BRD2: variants seen among roughly 807,000 people sequenced by gnomAD.
BRD2 encodes the protein bromodomain containing 2.
BRD2 carries 15 observed loss-of-function variants against 79.1 expected under a neutral mutation model. That is an observed-to-expected ratio of 0.19 (90% CI 0.13 to 0.29). The LOEUF (loss-of-function observed/expected upper bound fraction) is 0.29, where lower values mean the gene tolerates loss of function less well. Ranked by LOEUF, BRD2 falls within the 10% of genes least tolerant of loss-of-function variation. The probability of loss-of-function intolerance (pLI) is 1.00; values close to 1 mark genes in which losing one functional copy is unlikely to be tolerated. For missense variants in BRD2, 1,053 were observed against 991.3 expected (o/e 1.06, Z -0.84); for synonymous variants, 488 against 358.6 (o/e 1.36, Z -4.08).
rs1293065682 is a variant in BRD2, at chr6:32,976,240, T to A, written c.611-10T>A. Reference sequence around the variant, plus strand: ...AGAGAATCAAACTACACTTTTTTCCTTTTTTCTAGCGCTCCAGGGCAGTGT... The same window carrying A: ...AGAGAATCAAACTACACTTTTTTCCATTTTTCTAGCGCTCCAGGGCAGTGT... On this transcript the variant is annotated splice_polypyrimidine_tract_variant and intron_variant, in intron 5 of 12. Transcript: ENST00000374825. 3.1e-6 allele frequency: 5 copies of A among 1,611,028 alleles called. No homozygotes were observed. Among genetic ancestry groups the A allele is most frequent in the Non-Finnish European group, 4.2e-6 (5 of 1,178,678 alleles).
At position 32,968,837 on chromosome 6, in the gene BRD2, A is replaced by C; in HGVS notation, c.-1524A>C. 1 of 153,740 alleles carries C rather than the reference A, an allele frequency of 6.5e-6. No individual in the cohort carries two copies. The highest frequency in any genetic ancestry group is 1.4e-5 in the Non-Finnish European group (1 of 69,006). 9.5% of individuals were successfully genotyped at this position (153,740 alleles called of 1,614,324 possible). A position where few individuals can be genotyped will look rare whatever the true frequency, so the allele number is the denominator to read the frequency against. On this transcript the variant is annotated 5_prime_UTR_variant, in exon 1 of 13. Coordinates refer to ENST00000374825, the MANE Select transcript of BRD2 (RefSeq NM_005104.4). ...GGCGGGGGGTGGGGGGGAAGCGGGC[A>C]CGTGACCCCGGTCAGCCAATCTGGG... is the stretch of plus-strand genomic sequence containing the variant.
Position 32,972,649 on chromosome 6 carries a change from G to T in BRD2, c.-250G>T. The T allele has an allele frequency of 3.3e-6, 2 of 602,464 alleles. No individual in the cohort carries two copies. The highest frequency in any genetic ancestry group is 5.9e-6 in the Non-Finnish European group (2 of 339,932). 37.3% of individuals were successfully genotyped at this position (602,464 alleles called of 1,614,324 possible). On this transcript the variant is annotated 5_prime_UTR_variant, in exon 2 of 13. Transcript: ENST00000374825. ...AGAGTCAGTCCCTCCTTAGTTGCCC[G>T]CCTCAGCTGAGGCCGCCGCCATTTT...
rs1333663359 is a variant in BRD2 at position 32,980,984 on chromosome 6, G to A, written c.*266G>A. On this transcript the variant is annotated 3_prime_UTR_variant, in exon 13 of 13. Transcript: ENST00000374825. ...CCCATTCAAAATGGGGCAGGGCAAG[G>A]GTGGGAGTGTGCAAAGCCCTGATCT... The A allele has an allele frequency of 6.0e-6, 3 of 497,870 alleles. No homozygotes were observed. Among genetic ancestry groups the A allele is most frequent in the Non-Finnish European group, 1.1e-5 (3 of 273,372 alleles). The allele number at this position is 497,870 out of a possible 1,614,324, so 30.8% of individuals were successfully genotyped here. A position where few individuals can be genotyped will look rare whatever the true frequency, so the allele number is the denominator to read the frequency against.
Position 32,972,255 on chromosome 6 carries a change from G to A in BRD2, c.-644G>A. 2.2e-6 allele frequency: 1 copy of A among 459,544 alleles called. No homozygotes were observed. The highest frequency in any genetic ancestry group is 4.0e-6 in the Non-Finnish European group (1 of 246,984). The allele number at this position is 459,544 out of a possible 1,614,324, so 28.5% of individuals were successfully genotyped here. A position where few individuals can be genotyped will look rare whatever the true frequency, so the allele number is the denominator to read the frequency against. ...AACGAGCTGGAGGATTCTGCCTACC[G>A]ATACAGAGCCTTCGAGTCGTCCGGG... is the stretch of plus-strand genomic sequence containing the variant. On this transcript the variant is annotated 5_prime_UTR_variant, in exon 2 of 13. Coordinates refer to ENST00000374825, the MANE Select transcript of BRD2 (RefSeq NM_005104.4).
rs1582895136 is a variant in BRD2 at position 32,974,188 on chromosome 6, T to G, written c.30-274T>G. Among the ~76,000 whole-genome samples, 6 of 152,246 alleles carry G rather than the reference T, an allele frequency of 3.9e-5. No homozygotes were observed. In the South Asian group the frequency reaches 1.2e-3, roughly 32 times the overall value. On this transcript the variant is annotated intron_variant, in intron 2 of 12. Coordinates refer to ENST00000374825, the MANE Select transcript of BRD2 (RefSeq NM_005104.4). ...ATGTCGTGCCTTGTCAGAAACAATT[T>G]GGGAGTTTTTTAAAATATGAAAAAG...
intron 10 of BRD2, chr6:32,978,656 G>A: frequency 1.7e-6 from 1 of 579,666 alleles, no homozygotes; most frequent in Non-Finnish European, 3.0e-6. Context: ...ATGCAGCCTG[G>A]ATATGTACCA....
Position 32,971,872 on chromosome 6 carries a change from C to A in BRD2, c.-1027C>A. The A allele has an allele frequency of 1.4e-6, 1 of 701,886 alleles. No individual in the cohort carries two copies. Among genetic ancestry groups the A allele is most frequent in the East Asian group, 2.7e-5 (1 of 37,256 alleles). The allele number at this position is 701,886 out of a possible 1,614,324, so 43.5% of individuals were successfully genotyped here. ...CTTCCGCACCTCTTCCAACCACCCT[C>A]TTTCCCTGGAGTCGGCGGACCACAG... On this transcript the variant is annotated 5_prime_UTR_variant, in exon 2 of 13. Coordinates refer to ENST00000374825, the MANE Select transcript of BRD2 (RefSeq NM_005104.4).
At chr6:32,976,539 C>G in intron 6 of BRD2, 23 bp from the exon 7 acceptor site, 1 of 1,591,624 alleles carries the variant, frequency 6.3e-7, no homozygotes, top group Non-Finnish European at 8.5e-7. Flanking sequence ...GTGACAGGTT[C>G]CCTATCTTGT....
intron 2 of BRD2, among the ~76,000 whole-genome samples, chr6:32,974,029 T>C (rs1487947675): frequency 2.6e-5 from 4 of 152,168 alleles, no homozygotes; most frequent in Non-Finnish European, 5.9e-5. Context: ...CCATAATTTG[T>C]TCTTTTCCTC....
In BRD2 at chr6:32,972,581, G is replaced by A; in HGVS notation, c.-318G>A. 7 of 525,556 alleles carry A rather than the reference G, an allele frequency of 1.3e-5. No homozygotes were observed. Among genetic ancestry groups the A allele is most frequent in the Non-Finnish European group, 2.0e-5 (6 of 294,258 alleles). The allele number at this position is 525,556 out of a possible 1,614,324, so 32.6% of individuals were successfully genotyped here. ...GGGAATCCCTGCAGACCAACAGCGGGCTATATTGACGACGGTGTCTGAGAT... is the reference window on the plus strand; with the variant it reads ...GGGAATCCCTGCAGACCAACAGCGGACTATATTGACGACGGTGTCTGAGAT... On this transcript the variant is annotated 5_prime_UTR_variant, in exon 2 of 13. Transcript: ENST00000374825.
chr6:32,978,430 GTCTC>G, intron 10 of BRD2, 42 bp downstream of exon 10: 2 of 1,593,014 alleles, frequency 1.3e-6, no homozygotes, highest in Non-Finnish European at 1.7e-6. Context: ...GGCTATTTCT[GTCTC>G]TCTGGGGGAT....
chr6:32,980,740 G>C lies in BRD2; in HGVS notation c.*22G>C. The C allele has an allele frequency of 6.2e-7, 1 of 1,611,682 alleles. No individual in the cohort carries two copies. ...CTAAGGGGTCAGGCCAGATGGGGCAGGAAGGCTCCGCAGGACCGGACCCCT... is the reference window on the plus strand; with the variant it reads ...CTAAGGGGTCAGGCCAGATGGGGCACGAAGGCTCCGCAGGACCGGACCCCT... On this transcript the variant is annotated 3_prime_UTR_variant, in exon 13 of 13. Coordinates refer to ENST00000374825, the MANE Select transcript of BRD2 (RefSeq NM_005104.4).
At position 32,972,635 on chromosome 6, in the gene BRD2, C is replaced by T. The variant is rs946206205; in HGVS notation, c.-264C>T. On this transcript the variant is annotated 5_prime_UTR_variant, in exon 2 of 13. Coordinates refer to ENST00000374825, the MANE Select transcript of BRD2 (RefSeq NM_005104.4). Reference sequence around the variant, plus strand: ...GGACCGTCTTTTGAAGAGTCAGTCCCTCCTTAGTTGCCCGCCTCAGCTGAG... The same window carrying T: ...GGACCGTCTTTTGAAGAGTCAGTCCTTCCTTAGTTGCCCGCCTCAGCTGAG... The T allele has an allele frequency of 5.0e-6, 3 of 595,972 alleles. No homozygotes were observed. Among genetic ancestry groups the T allele is most frequent in the South Asian group, 2.0e-5 (1 of 50,436 alleles). The allele number at this position is 595,972 out of a possible 1,614,324, so 36.9% of individuals were successfully genotyped here.
intron 10 of BRD2, 109 bp from the exon 11 acceptor site, chr6:32,979,719 A>T: frequency 1.5e-6 from 2 of 1,326,532 alleles, no homozygotes. Context: ...GAATGGAAAA[A>T]CAGAAGCTCC....
intron 7 of BRD2, 46 bp from the exon 8 acceptor site, chr6:32,977,395 GT>G (rs762684004): frequency 3.1e-6 from 5 of 1,613,044 alleles, no homozygotes; most frequent in Non-Finnish European, 4.2e-6. Flanking sequence ...GCAGGGAAAG[GT>G]GAGTCTTCCT....
At chr6:32,969,367 A>G (rs1024596742) in intron 1 of BRD2, 1 of 716,808 alleles carries the variant, frequency 1.4e-6, no homozygotes, top group Non-Finnish European at 2.6e-6. Context: ...GAAGGGATCC[A>G]TCGGCGGCCG....
chr6:32,979,617 T>TA (rs1416638485), intron 10 of BRD2: 18 of 577,726 alleles, frequency 3.1e-5, no homozygotes, highest in Non-Finnish European at 5.4e-5. Flanking sequence ...TACATTGTCT[T>TA]TTTAAAGACA....
intron 10 of BRD2, chr6:32,978,876 A>G (rs1448157060): frequency 1.8e-5 from 3 of 165,268 alleles, no homozygotes; most frequent in East Asian, 1.8e-4. Context: ...GTAGCCATAA[A>G]CTAGAAACAT....
At chr6:32,974,379 A>G in intron 2 of BRD2, 83 bp from the exon 3 acceptor site, 1 of 1,410,992 alleles carries the variant, frequency 7.1e-7, no homozygotes, top group South Asian at 1.3e-5. Context: ...TAGGGCCAGC[A>G]CCTGGATTCA....
Sources: allele counts gnomAD v4.1 joint callset (sites outside exome capture counted in the v4.1 genomes callset), GRCh38; gene constraint gnomAD v4.1.1; transcripts MANE v1.5; gene names NCBI Gene and HGNC (gene_info 2026-07-23, HGNC 2026-07-21).